The following BMPER variants were observed in gnomAD, a reference collection of about 807,000 sequenced individuals.
BMPER encodes the protein BMP-binding endothelial regulator protein.
In BMPER, 45 loss-of-function variants were observed where a neutral mutation model predicts 87.3. That is an observed-to-expected ratio of 0.52 (90% CI 0.41 to 0.66). The LOEUF (loss-of-function observed/expected upper bound fraction) is 0.66, where lower values mean the gene tolerates loss of function less well. Among genes scored for constraint, BMPER ranks in the 30% least tolerant of loss-of-function variants. The pLI, the probability that BMPER is intolerant of heterozygous loss-of-function variation, is 0.00. For missense variants in BMPER, 784 were observed against 867.5 expected (o/e 0.90, Z 1.21); for synonymous variants, 326 against 316.2 (o/e 1.03, Z -0.33).
chr7:34,052,187 C>T (rs1429748705), intron 8 of BMPER, among the ~76,000 whole-genome samples: 1 of 152,174 alleles, frequency 6.6e-6, no homozygotes, highest in African/African-American at 2.4e-5. Context: ...GAAGTTAGCT[C>T]CTTGTAGTGA....
At chr7:34,095,021 A>T (rs1450061767) in intron 13 of BMPER, among the ~76,000 whole-genome samples, 1 of 152,232 alleles carries the variant, frequency 6.6e-6, no homozygotes, top group Non-Finnish European at 1.5e-5. Context: ...TGTTTCCTAA[A>T]ATGAAACAAA....
chr7:34,017,711 T>C (rs1280231723), intron 6 of BMPER, among the ~76,000 whole-genome samples: 2 of 151,802 alleles, frequency 1.3e-5, no homozygotes, highest in Non-Finnish European at 2.9e-5. Context: ...TCACCCTGAG[T>C]CTCTGTTCAG....
At chr7:34,074,811 AGT>A (rs2127971947) in intron 11 of BMPER, among the ~76,000 whole-genome samples, 1 of 152,362 alleles carries the variant, frequency 6.6e-6, no homozygotes, top group South Asian at 2.1e-4. Flanking sequence ...CGACATGTTA[AGT>A]AAAAAATAGA....
chr7:33,974,514 T>C (rs1030458456), intron 5 of BMPER, among the ~76,000 whole-genome samples, 188 bp from the exon 6 acceptor site: 1 of 152,064 alleles, frequency 6.6e-6, no homozygotes, highest in African/African-American at 2.4e-5. Context: ...ATCTTTGGGG[T>C]TTCAGGTCCC....
intron 3 of BMPER, among the ~76,000 whole-genome samples, chr7:33,955,636 C>T (rs1785130715): frequency 6.6e-6 from 1 of 152,184 alleles, no homozygotes; most frequent in Non-Finnish European, 1.5e-5. Flanking sequence ...ATAGATAAAG[C>T]CTGATATTTC....
At chr7:33,993,622 C>A (rs956195002) in intron 6 of BMPER, among the ~76,000 whole-genome samples, 1 of 152,092 alleles carries the variant, frequency 6.6e-6, no homozygotes, top group African/African-American at 2.4e-5. Context: ...CTCAGCTCGT[C>A]AAAGTCATTC....
chr7:33,919,753 G>T (rs894934366), intron 2 of BMPER, among the ~76,000 whole-genome samples: 3 of 152,180 alleles, frequency 2.0e-5, no homozygotes, highest in African/African-American at 7.2e-5. Context: ...ATTAAATTAT[G>T]GTTGAGATAG....
chr7:33,918,058 C>T (rs190128968), intron 2 of BMPER, among the ~76,000 whole-genome samples: 1 of 152,112 alleles, frequency 6.6e-6, no homozygotes, highest in Admixed American at 6.5e-5. Context: ...CAGGGCTGAC[C>T]TCAAACTCCT....
At chr7:33,988,789 C>G (rs1449609038) in intron 6 of BMPER, among the ~76,000 whole-genome samples, 1 of 122,140 alleles carries the variant, frequency 8.2e-6, no homozygotes, top group African/African-American at 3.1e-5. Context: ...CAACAGTCCC[C>G]AGAGTGTGAT....
chr7:34,142,470 C>T (rs189105643), intron 13 of BMPER, among the ~76,000 whole-genome samples: 1 of 152,294 alleles, frequency 6.6e-6, no homozygotes, highest in East Asian at 1.9e-4. Flanking sequence ...TTGTGGTCAA[C>T]ATGTTTAAAA....
At chr7:33,995,203 T>A (rs966483017) in intron 6 of BMPER, among the ~76,000 whole-genome samples, 1 of 152,090 alleles carries the variant, frequency 6.6e-6, no homozygotes, top group Non-Finnish European at 1.5e-5. Flanking sequence ...ATTAAAAAAC[T>A]AAAAAGACTC....
At chr7:33,921,446 A>G (rs180691700) in intron 2 of BMPER, among the ~76,000 whole-genome samples, 1 of 152,226 alleles carries the variant, frequency 6.6e-6, no homozygotes, top group Non-Finnish European at 1.5e-5. Context: ...TTCAAGTACC[A>G]GAATTCTGTC....
chr7:34,049,583 C>T (rs1362577852), intron 7 of BMPER, among the ~76,000 whole-genome samples: 1 of 152,116 alleles, frequency 6.6e-6, no homozygotes, highest in Non-Finnish European at 1.5e-5. Context: ...ATGTGGAGCT[C>T]AGTCATGAAG....
In BMPER at chr7:34,048,419, A is replaced by G. The variant is rs114991335; in HGVS notation, c.676+2014A>G. Among the ~76,000 whole-genome samples the G allele has an allele frequency of 8.9e-3, 1,359 of 152,286 alleles. 18 individuals are homozygous for G. Among genetic ancestry groups the G allele is most frequent in the African/African-American group, 0.031 (1,286 of 41,568 alleles). On this transcript the variant is annotated intron_variant, in intron 7 of 14. Transcript: ENST00000649409. ...AAGAACAAAGCAGAATTGCTTAGACATGCCTGATTAAAGACATTTTCACTT... is the reference window on the plus strand; with the variant it reads ...AAGAACAAAGCAGAATTGCTTAGACGTGCCTGATTAAAGACATTTTCACTT...
rs1788253292 is a variant in BMPER at position 34,055,290 on chromosome 7, A to G, written c.914A>G (p.Asn305Ser). Residue 305 changes from asparagine (N) to serine (S), a missense_variant, in exon 9 of 15, where the codon AAC (asparagine) becomes AGC (serine). By Grantham distance (46) the Asn-to-Ser change is conservative. Transcript: ENST00000649409. ...PEDIKVCKFG[N>S]KIFQDGEMWS... ...GACATCAAAGTATGCAAATTTGGCAACAAGATTTTCCAGGTATGTCATGAG... is the reference window on the plus strand; with the variant it reads ...GACATCAAAGTATGCAAATTTGGCAGCAAGATTTTCCAGGTATGTCATGAG... The G allele has an allele frequency of 6.2e-7, 1 of 1,614,110 alleles. No individual in the cohort carries two copies. The highest frequency in any genetic ancestry group is 1.3e-5 in the African/African-American group (1 of 75,050).
At position 34,077,760 on chromosome 7, in the gene BMPER, T is replaced by C. The variant is rs1044187312; in HGVS notation, c.1079-1097T>C. ...ATCCCCTTGGTGCTATCAGATCAGC[T>C]GGCACATCCTTCCTCTGTCTTGACT... On this transcript the variant is annotated intron_variant, in intron 11 of 14. Transcript: ENST00000649409. Among the ~76,000 whole-genome samples, 5 of 152,336 alleles carry C rather than the reference T, an allele frequency of 3.3e-5. No individual in the cohort carries two copies. The South Asian group carries it at 8.3e-4, about 25-fold the overall frequency.
At chr7:34,081,461 G>A (rs1789045835) in intron 12 of BMPER, among the ~76,000 whole-genome samples, 1 of 152,250 alleles carries the variant, frequency 6.6e-6, no homozygotes, top group Non-Finnish European at 1.5e-5. Flanking sequence ...CTTACGATGG[G>A]ATTATTTGGC....
intron 2 of BMPER, among the ~76,000 whole-genome samples, chr7:33,917,672 A>C (rs746065095): frequency 2.6e-5 from 4 of 152,214 alleles, no homozygotes; most frequent in Non-Finnish European, 5.9e-5. Flanking sequence ...AGAAGGATAG[A>C]ATACAAATAA....
intron 13 of BMPER, among the ~76,000 whole-genome samples, chr7:34,093,805 A>G (rs1285687694): frequency 6.6e-6 from 1 of 152,128 alleles, no homozygotes; most frequent in Non-Finnish European, 1.5e-5. Context: ...AACACTAATT[A>G]TTTTGTAGCA....
Sources: allele counts gnomAD v4.1 joint callset (sites outside exome capture counted in the v4.1 genomes callset), GRCh38; gene constraint gnomAD v4.1.1; transcripts MANE v1.5; gene names NCBI Gene and HGNC (gene_info 2026-07-23, HGNC 2026-07-21).